Variants in TMEM52B observed in about 807,000 individuals in gnomAD.
TMEM52B encodes the protein chromosome 12 open reading frame 59.
In TMEM52B, 11 loss-of-function variants were observed where a neutral mutation model predicts 16.1. The ratio of observed to expected loss-of-function variants is 0.68; its 90% CI spans 0.43 to 1.13. The LOEUF is 1.13. TMEM52B is among the 50% of genes most tolerant of loss of function. The pLI is 0.00. For synonymous variants in TMEM52B, 101 were observed against 93.8 expected (o/e 1.08, Z -0.45); for missense variants, 243 against 230.4 (o/e 1.05, Z -0.35).
At chr12:10,186,399 T>G (rs1344334568) in intron 3 of TMEM52B, 21 bp from the exon 4 acceptor site, 1 of 1,582,768 alleles carries the variant, frequency 6.3e-7, no homozygotes. Flanking sequence ...GAGCTCCCAC[T>G]CGCCCCGTGG....
At chr12:10,171,464 C>A (rs1030979143) in intron 1 of TMEM52B, among the ~76,000 whole-genome samples, 12 of 152,208 alleles carry the variant, frequency 7.9e-5, no homozygotes, top group Admixed American at 6.5e-4. Flanking sequence ...CTAAACTATA[C>A]TGAATATCAT....
intron 4 of TMEM52B, among the ~76,000 whole-genome samples, chr12:10,189,391 A>T (rs1380602865): frequency 6.6e-6 from 1 of 152,022 alleles, no homozygotes; most frequent in Non-Finnish European, 1.5e-5. Context: ...TGGGAGGCCA[A>T]GGCGGGTGGA....
chr12:10,172,803 G>T (rs1415909680), intron 1 of TMEM52B, among the ~76,000 whole-genome samples: 1 of 152,068 alleles, frequency 6.6e-6, no homozygotes, highest in Non-Finnish European at 1.5e-5. Flanking sequence ...GGAAATTAGG[G>T]ATAATGTCTA....
upstream of TMEM52B, among the ~76,000 whole-genome samples, chr12:10,178,598 C>T (rs1463024559): frequency 1.3e-5 from 2 of 149,868 alleles, no homozygotes; most frequent in Non-Finnish European, 3.0e-5. Flanking sequence ...GTTTTATTTT[C>T]CTGAGTGACA....
At chr12:10,180,463 C>T (rs1473991506) in intron 1 of TMEM52B, among the ~76,000 whole-genome samples, 2 of 152,004 alleles carry the variant, frequency 1.3e-5, no homozygotes, top group South Asian at 2.1e-4. Context: ...CTTCTCTTAC[C>T]TTTAGTGAAG....
At position 10,186,561 on chromosome 12, in the gene TMEM52B, C is replaced by T. The variant is rs145013082; in HGVS notation, c.279C>T (p.His93=). The T allele has an allele frequency of 1.2e-4, 197 of 1,603,862 alleles. 1 individual carries two copies. The highest frequency in any genetic ancestry group is 1.7e-4 in the Middle Eastern group (1 of 6,008). Residue 93 remains histidine (H), a synonymous_variant, in exon 4 of 5, where the codon CAC becomes CAT. Transcript: ENST00000543484. ...AAGTGACCGTCATTGCTTTCGATCA[C>T]GACAGCACTCTCCAGAGCACTATCA... The part of the protein sequence containing the change: ...PCEVTVIAFD[H]DSTLQSTITS...
At chr12:10,177,152 C>T (rs4764299), upstream of TMEM52B, among the ~76,000 whole-genome samples, 62,232 of 152,032 alleles carry the variant, frequency 0.41, 15,787 homozygotes, top group Middle Eastern at 0.57. Context: ...ACCTAAAGCC[C>T]TGCTCTCCTT....
At chr12:10,184,439 G>A (rs773699711) in intron 2 of TMEM52B, among the ~76,000 whole-genome samples, 14 of 152,076 alleles carry the variant, frequency 9.2e-5, no homozygotes, top group African/African-American at 2.4e-4. Flanking sequence ...CTGGGGAGCC[G>A]TCTAGGGGAC....
At chr12:10,182,645 T>C in intron 2 of TMEM52B, 52 bp downstream of exon 2, 2 of 1,510,178 alleles carry the variant, frequency 1.3e-6, no homozygotes, top group Admixed American at 4.1e-5. Flanking sequence ...AAAACATCAC[T>C]ACCCCAAAAG....
At chr12:10,174,221 C>G (rs937898551), upstream of TMEM52B, among the ~76,000 whole-genome samples, 8 of 152,016 alleles carry the variant, frequency 5.3e-5, no homozygotes, top group Non-Finnish European at 4.4e-5. Flanking sequence ...CCACCCCTCC[C>G]GGCTAATTGT....
At position 10,190,218 on chromosome 12, in the gene TMEM52B, C is replaced by A; in HGVS notation, c.*78C>A. On this transcript the variant is annotated 3_prime_UTR_variant, in exon 5 of 5. Coordinates refer to ENST00000543484, the MANE Select transcript of TMEM52B (RefSeq NM_001384896.1). ...AAAATGGAACACATACTTTTCTAAC[C>A]CTCAGAAGTTTTAAGATGGCATCTA... 1 of 1,577,574 alleles carries A rather than the reference C, an allele frequency of 6.3e-7. No homozygotes were observed. The highest frequency in any genetic ancestry group is 1.1e-5 in the South Asian group (1 of 87,028).
intron 2 of TMEM52B, among the ~76,000 whole-genome samples, chr12:10,184,806 T>A (rs1948862002): frequency 6.6e-6 from 1 of 152,096 alleles, no homozygotes; most frequent in Non-Finnish European, 1.5e-5. Context: ...AAGTTACTCT[T>A]TGTAAACTTG....
upstream of TMEM52B, among the ~76,000 whole-genome samples, chr12:10,177,806 TAATAATA>T (rs1948778484): frequency 1.2e-5 from 1 of 81,676 alleles, no homozygotes; most frequent in African/African-American, 4.9e-5. Context: ...ATAATAATAA[TAATAATA>T]ATTTTTTTAT....
At chr12:10,182,719 C>A in intron 2 of TMEM52B, 126 bp downstream of exon 2, 1 of 1,002,358 alleles carries the variant, frequency 1.0e-6, no homozygotes. Flanking sequence ...AGTAATAGAT[C>A]TCATAGATGA....
rs188138870 is a variant in TMEM52B at position 10,189,161 on chromosome 12, C to A, written c.308-735C>A. Among the ~76,000 whole-genome samples, 264 of 146,868 alleles carry A rather than the reference C, an allele frequency of 1.8e-3. 1 individual carries two copies. Among genetic ancestry groups the A allele is most frequent in the African/African-American group, 6.1e-3 (241 of 39,724 alleles). Reference sequence around the variant, plus strand: ...GAGGTTGCAGCGACCCGAGATTGTGCCACTGCACTCCAACCTGGGTGACAG... The same window carrying A: ...GAGGTTGCAGCGACCCGAGATTGTGACACTGCACTCCAACCTGGGTGACAG... On this transcript the variant is annotated intron_variant, in intron 4 of 4. Coordinates refer to ENST00000543484, the MANE Select transcript of TMEM52B (RefSeq NM_001384896.1).
At chr12:10,173,405 A>T (rs1334449696) in intron 1 of TMEM52B, among the ~76,000 whole-genome samples, 6 of 152,360 alleles carry the variant, frequency 3.9e-5, no homozygotes, top group Non-Finnish European at 8.8e-5. Flanking sequence ...ACCAATATTG[A>T]CAGCCTAATT....
At chr12:10,180,178 T>C (rs1001091279) in intron 1 of TMEM52B, among the ~76,000 whole-genome samples, 4 of 151,970 alleles carry the variant, frequency 2.6e-5, no homozygotes, top group African/African-American at 7.2e-5. Context: ...GGGAAGTTTA[T>C]AGAGCTATGC....
At chr12:10,182,442 T>A (rs1454305101) in intron 1 of TMEM52B, 108 bp from the exon 2 acceptor site, 7 of 1,441,958 alleles carry the variant, frequency 4.9e-6, no homozygotes, top group Non-Finnish European at 6.4e-6. Flanking sequence ...GACCGTGACC[T>A]TCTTACTGCT....
chr12:10,190,160 A>C lies in TMEM52B; in HGVS notation c.*20A>C, dbSNP rs778540514. The C allele has an allele frequency of 1.2e-6, 2 of 1,613,842 alleles. No individual in the cohort carries two copies. The highest frequency in any genetic ancestry group is 8.5e-7 in the Non-Finnish European group (1 of 1,179,948). On this transcript the variant is annotated 3_prime_UTR_variant, in exon 5 of 5. Coordinates refer to ENST00000543484, the MANE Select transcript of TMEM52B (RefSeq NM_001384896.1). ...AACTGATGAGAGCTGTCATTTTATA[A>C]ATAGGAGTGGAGTGATGTCCAGAGT...
Sources: allele counts gnomAD v4.1 joint callset (sites outside exome capture counted in the v4.1 genomes callset), GRCh38; gene constraint gnomAD v4.1.1; transcripts MANE v1.5; gene names NCBI Gene and HGNC (gene_info 2026-07-23, HGNC 2026-07-21).